CPVL: variants seen among roughly 807,000 people sequenced by gnomAD.
The protein encoded by CPVL is probable serine carboxypeptidase CPVL.
Under a neutral mutation model 63.7 loss-of-function variants are expected in CPVL, and 51 were observed. That is an observed-to-expected ratio of 0.80 (90% CI 0.64 to 1.01). The LOEUF (loss-of-function observed/expected upper bound fraction) is 1.01. CPVL is among the 50% of genes least tolerant of loss of function. The pLI is 0.00. For synonymous variants in CPVL, 195 were observed against 206.0 expected, an observed-to-expected ratio of 0.95 and a Z score of 0.46; for missense variants, 530 against 573.1, an observed-to-expected ratio of 0.92 and a Z score of 0.77.
chr7:29,129,856 C>T (rs904490167), intron 1 of CPVL, among the ~76,000 whole-genome samples: 4 of 152,108 alleles, frequency 2.6e-5, no homozygotes, highest in Admixed American at 6.5e-5. Context: ...CAATATAACT[C>T]GTGTCCTTAT....
intron 1 of CPVL, among the ~76,000 whole-genome samples, chr7:29,145,194 C>T (rs1194916745): frequency 1.3e-5 from 2 of 151,812 alleles, no homozygotes; most frequent in African/African-American, 2.4e-5. Context: ...CGTTATTTAC[C>T]AAGCTAATAA....
chr7:29,026,026 C>T (rs1787459635), intron 12 of CPVL, among the ~76,000 whole-genome samples: 1 of 152,100 alleles, frequency 6.6e-6, no homozygotes, highest in Admixed American at 6.5e-5. Context: ...ATTTTTTTCT[C>T]ATCAGCACAG....
At chr7:29,146,580 T>A (rs1424753688), upstream of CPVL, 3 of 1,548,600 alleles carry the variant, frequency 1.9e-6, no homozygotes, top group Non-Finnish European at 1.7e-6. Context: ...TCCTCTAGGC[T>A]CACATGACCC....
chr7:29,053,137 C>A (rs1438324996), intron 11 of CPVL, among the ~76,000 whole-genome samples: 1 of 152,102 alleles, frequency 6.6e-6, no homozygotes, highest in Non-Finnish European at 1.5e-5. Context: ...TGGCTAGAAT[C>A]AAAATGTCAG....
intron 1 of CPVL, chr7:29,192,309 T>C (rs1429945685): frequency 6.6e-6 from 1 of 152,198 alleles, no homozygotes; most frequent in Non-Finnish European, 1.5e-5. Flanking sequence ...CATCTGTCAA[T>C]TTAGGACAAT....
chr7:29,116,000 G>T (rs1788741383), intron 2 of CPVL, among the ~76,000 whole-genome samples: 1 of 152,160 alleles, frequency 6.6e-6, no homozygotes, highest in African/African-American at 2.4e-5. Flanking sequence ...AGGTCAGGAG[G>T]TTGGAAAGTG....
In CPVL at chr7:29,194,553, C is replaced by G. The variant is rs921863615; in HGVS notation, c.-448+524G>C. ...GGGAGCCCAGGAGAGGGTGCGGGAGCTGGCGGGGCGGCTCGGAGCTGCCAG... is the reference window on the plus strand; with the variant it reads ...GGGAGCCCAGGAGAGGGTGCGGGAGGTGGCGGGGCGGCTCGGAGCTGCCAG... On this transcript the variant is annotated intron_variant, in intron 1 of 16. Coordinates refer to the CPVL transcript ENST00000409850. The G allele has an allele frequency of 7.3e-5, 14 of 192,862 alleles. No individual in the cohort carries two copies. The South Asian group carries it at 2.4e-3, about 33-fold the overall frequency. The allele number at this position is 192,862 out of a possible 1,614,324, so 11.9% of individuals were successfully genotyped here. A position where few individuals can be genotyped will look rare whatever the true frequency, so the allele number is the denominator to read the frequency against.
In CPVL at chr7:29,082,880, A is replaced by G. The variant is rs192984709; in HGVS notation, c.609+3604T>C. On this transcript the variant is annotated intron_variant, in intron 7 of 12. Coordinates refer to ENST00000265394, the MANE Select transcript of CPVL (RefSeq NM_031311.5). ...ACATCATGGTTAACAACATCACCAC[A>G]TTATTTCCAAGACAAGGCATTACAC... Among the ~76,000 whole-genome samples, 150 of 152,320 alleles carry G rather than the reference A, an allele frequency of 9.8e-4. 1 individual carries two copies. The highest frequency in any genetic ancestry group is 3.5e-3 in the African/African-American group (144 of 41,582).
intron 5 of CPVL, among the ~76,000 whole-genome samples, chr7:29,093,361 A>G (rs1786031444): frequency 7.0e-6 from 1 of 142,334 alleles, no homozygotes; most frequent in Admixed American, 7.4e-5. Context: ...TGGGTGACCA[A>G]GCGAGACTCC....
intron 7 of CPVL, among the ~76,000 whole-genome samples, chr7:29,079,275 T>A (rs975939780): frequency 6.6e-6 from 1 of 152,194 alleles, no homozygotes; most frequent in Non-Finnish European, 1.5e-5. Context: ...CTAGAGACAG[T>A]GCAAGTTCAA....
intron 5 of CPVL, among the ~76,000 whole-genome samples, chr7:29,155,839 G>C (rs10256795): frequency 6.6e-6 from 1 of 151,812 alleles, no homozygotes; most frequent in Non-Finnish European, 1.5e-5. Flanking sequence ...CTGGAAAGGC[G>C]AGGACATTTC....
intron 12 of CPVL, among the ~76,000 whole-genome samples, chr7:28,999,054 A>C (rs146321590): frequency 6.6e-5 from 10 of 152,056 alleles, no homozygotes; most frequent in African/African-American, 2.4e-4. Context: ...AAAATTAAAA[A>C]AAAAAAAATT....
chr7:29,109,039 C>G (rs1788000674), intron 3 of CPVL, among the ~76,000 whole-genome samples: 1 of 152,178 alleles, frequency 6.6e-6, no homozygotes, highest in Non-Finnish European at 1.5e-5. Flanking sequence ...ATGAGGATAA[C>G]AATTCCTTCC....
chr7:29,171,375 C>G (rs66482234), intron 5 of CPVL, among the ~76,000 whole-genome samples: 18,095 of 152,176 alleles, frequency 0.12, 1,267 homozygotes, highest in African/African-American at 0.18. Context: ...CAACATAATA[C>G]ATATGTAATG....
intron 1 of CPVL, chr7:29,194,234 G>A: frequency 6.8e-6 from 1 of 147,406 alleles, no homozygotes; most frequent in Non-Finnish European, 1.5e-5. Context: ...GAGCAGCGCT[G>A]CGCGCAGCAG....
chr7:29,069,127 T>C (rs989367720), intron 9 of CPVL, among the ~76,000 whole-genome samples: 5 of 152,068 alleles, frequency 3.3e-5, no homozygotes, highest in African/African-American at 1.2e-4. Context: ...AGAATAACTT[T>C]GCTTTTAGAA....
intron 1 of CPVL, chr7:29,194,937 C>A: frequency 6.4e-7 from 1 of 1,567,546 alleles, no homozygotes; most frequent in Non-Finnish European, 8.6e-7. Flanking sequence ...GAGGGGCGCG[C>A]GGAGATGGCA....
Position 29,037,552 on chromosome 7 carries a change from CAAAAAAAAAAA to C in CPVL, c.1138-6804_1138-6794del, listed in dbSNP as rs35631871. On this transcript the variant is annotated intron_variant, in intron 11 of 12. Coordinates refer to ENST00000265394, the MANE Select transcript of CPVL (RefSeq NM_031311.5). ...TGGGTGACAGAGTGAGACTCCATCTCAAAAAAAAAAAAAAAAAAAAGAAAAGAAAAGAAAAG... is the reference window on the plus strand; with the variant it reads ...TGGGTGACAGAGTGAGACTCCATCTCAAAAAAAAAGAAAAGAAAAGAAAAG... Among the ~76,000 whole-genome samples, 20 of 56,348 alleles carry C rather than the reference CAAAAAAAAAAA, an allele frequency of 3.5e-4. No homozygotes were observed. The South Asian group carries it at 4.4e-3, about 12-fold the overall frequency. The allele number at this position is 56,348 out of a possible 152,430, so 37.0% of individuals were successfully genotyped here. A position where few individuals can be genotyped will look rare whatever the true frequency, so the allele number is the denominator to read the frequency against.
intron 12 of CPVL, among the ~76,000 whole-genome samples, chr7:29,029,517 T>C (rs1300574330): frequency 5.3e-5 from 8 of 152,188 alleles, no homozygotes; most frequent in Admixed American, 5.2e-4. Flanking sequence ...TGGATGGAAC[T>C]GGAGGTCGTT....
Sources: allele counts gnomAD v4.1 joint callset (sites outside exome capture counted in the v4.1 genomes callset), GRCh38; gene constraint gnomAD v4.1.1; transcripts MANE v1.5; gene names NCBI Gene and HGNC (gene_info 2026-07-23, HGNC 2026-07-21).